Variants in STON1 observed in about 807,000 individuals in gnomAD.
STON1 encodes the protein stonin-1.
Under a neutral mutation model 60.9 loss-of-function variants are expected in STON1, and 79 were observed. The ratio of observed to expected loss-of-function variants is 1.30; its 90% CI spans 1.08 to 1.56. The LOEUF (loss-of-function observed/expected upper bound fraction) is 1.56. Ranked by LOEUF, STON1 falls within the 40% of genes most tolerant of loss-of-function variation. The pLI is 0.00. For synonymous variants in STON1, 363 were observed against 306.9 expected (o/e 1.18, Z -1.91); for missense variants, 1,166 against 858.9 (o/e 1.36, Z -4.47).
chr2:48,581,495 A>T lies in STON1; in HGVS notation c.862A>T (p.Met288Leu). Residue 288 changes from methionine (M) to leucine (L), a missense_variant, in exon 2 of 4, where the codon ATG (methionine) becomes TTG (leucine). By Grantham distance (15) the Met-to-Leu change is conservative. Coordinates refer to ENST00000404752, the MANE Select transcript of STON1 (RefSeq NM_006873.4). ...FMLRIPEKKN[M>L]MSSRQWGPIF... ...GCTGAGAATTCCTGAGAAGAAGAATATGATGTCTTCCCGGCAATGGGGACC... is the reference window on the plus strand; with the variant it reads ...GCTGAGAATTCCTGAGAAGAAGAATTTGATGTCTTCCCGGCAATGGGGACC... The T allele has an allele frequency of 6.2e-7, 1 of 1,614,252 alleles. No homozygotes were observed. Among genetic ancestry groups the T allele is most frequent in the Non-Finnish European group, 8.5e-7 (1 of 1,180,048 alleles).
chr2:48,531,391 A>T (rs1441566485), intron 1 of STON1: 1 of 152,198 alleles, frequency 6.6e-6, no homozygotes, highest in Non-Finnish European at 1.5e-5. Flanking sequence ...TACTTATTTT[A>T]ATCCTGAGGC....
chr2:48,587,500 C>T (rs2103942655), intron 2 of STON1, among the ~76,000 whole-genome samples: 1 of 152,224 alleles, frequency 6.6e-6, no homozygotes, highest in South Asian at 2.1e-4. Context: ...GCCATATTGG[C>T]CAGGCTGGTC....
intron 1 of STON1, among the ~76,000 whole-genome samples, chr2:48,578,716 T>G (rs1673694674): frequency 6.6e-6 from 1 of 150,872 alleles, no homozygotes; most frequent in South Asian, 2.1e-4. Flanking sequence ...CCACCATGCC[T>G]GGCTAATTTT....
intron 1 of STON1, among the ~76,000 whole-genome samples, chr2:48,557,064 C>T (rs1335277874): frequency 3.3e-5 from 3 of 90,194 alleles, no homozygotes; most frequent in African/African-American, 8.1e-5. Flanking sequence ...GCTGGCCGGG[C>T]GGGGGGCTGA....
chr2:48,555,527 A>G (rs1330920123), intron 1 of STON1, among the ~76,000 whole-genome samples: 14 of 53,034 alleles, frequency 2.6e-4, no homozygotes, highest in Admixed American at 7.1e-4. Context: ...CTCACGGACG[A>G]GGCGGCTGGC....
In STON1 at chr2:48,595,455, C is replaced by G. The variant is rs1674747890; in HGVS notation, c.*153C>G. 1 of 616,034 alleles carries G rather than the reference C, an allele frequency of 1.6e-6. No individual in the cohort carries two copies. The highest frequency in any genetic ancestry group is 2.8e-6 in the Non-Finnish European group (1 of 359,468). 38.2% of individuals were successfully genotyped at this position (616,034 alleles called of 1,614,324 possible). ...TGTTTAGAGAAGTTTAGACCTAAAACCGAACAATCTGTATTTTTTGCTTTT... is the reference window on the plus strand; with the variant it reads ...TGTTTAGAGAAGTTTAGACCTAAAAGCGAACAATCTGTATTTTTTGCTTTT... On this transcript the variant is annotated 3_prime_UTR_variant, in exon 4 of 4. Transcript: ENST00000404752.
At chr2:48,536,069 A>G (rs1262360676) in intron 1 of STON1, among the ~76,000 whole-genome samples, 1 of 152,170 alleles carries the variant, frequency 6.6e-6, no homozygotes, top group Non-Finnish European at 1.5e-5. Flanking sequence ...CCTGGGTGAC[A>G]GAGCGACACT....
chr2:48,533,556 G>A (rs1671300124), intron 1 of STON1, among the ~76,000 whole-genome samples: 1 of 150,882 alleles, frequency 6.6e-6, no homozygotes, highest in South Asian at 2.1e-4. Flanking sequence ...TGGGTGTGGT[G>A]GCAGGCACCT....
chr2:48,538,817 C>A (rs994965193), intron 1 of STON1, among the ~76,000 whole-genome samples: 1 of 139,444 alleles, frequency 7.2e-6, no homozygotes, highest in Non-Finnish European at 1.5e-5. Context: ...GCAGTTTTGC[C>A]ATGTTGGCCA....
intron 1 of STON1, among the ~76,000 whole-genome samples, chr2:48,533,928 C>G (rs2103729476): frequency 6.6e-6 from 1 of 151,964 alleles, no homozygotes; most frequent in Non-Finnish European, 1.5e-5. Flanking sequence ...TGCCACCATG[C>G]CTGGCTAATT....
chr2:48,591,855 G>T lies in STON1; in HGVS notation c.2133G>T (p.Gln711His). 1 of 1,613,666 alleles carries T rather than the reference G, an allele frequency of 6.2e-7. No individual in the cohort carries two copies. The highest frequency in any genetic ancestry group is 1.7e-5 in the Admixed American group (1 of 59,940). The change falls in exon 3 of 4, where the codon CAG becomes CAT. Residue 711 changes from glutamine (Q) to histidine (H), a missense_variant and splice_region_variant. Transcript: ENST00000404752. The stretch of plus-strand genomic sequence containing the variant: ...AGCAGCGAGCTTGCTACAACATCCA[G>T]GTACATCCCAAAACTTCTAGAACTG... ...HVQQRACYNI[Q>H]VEIEKKWIKI...
intron 1 of STON1, among the ~76,000 whole-genome samples, chr2:48,546,076 C>G (rs999217068): frequency 3.9e-5 from 6 of 152,180 alleles, no homozygotes; most frequent in African/African-American, 1.4e-4. Flanking sequence ...ACCCTCATGT[C>G]TTACCTGAGT....
intron 2 of STON1, among the ~76,000 whole-genome samples, chr2:48,583,111 T>C (rs1673993246): frequency 6.6e-6 from 1 of 152,222 alleles, no homozygotes; most frequent in African/African-American, 2.4e-5. Context: ...GTTTTTGACA[T>C]GGCATCTCAC....
rs1276921426 is a variant in STON1, at chr2:48,582,197, A to G, written c.1564A>G (p.Asn522Asp). 1 of 1,614,088 alleles carries G rather than the reference A, an allele frequency of 6.2e-7. No individual in the cohort carries two copies. The highest frequency in any genetic ancestry group is 8.5e-7 in the Non-Finnish European group (1 of 1,180,042). The change falls in exon 2 of 4, where the codon AAT (asparagine) becomes GAT (aspartate). Residue 522 changes from asparagine (N) to aspartate (D), a missense_variant. Coordinates refer to ENST00000404752, the MANE Select transcript of STON1 (RefSeq NM_006873.4). ...FELMRFKTLY[N>D]GDNLPFSLKS... Reference sequence around the variant, plus strand: ...GCTGATGCGTTTCAAGACTTTGTATAATGGGGATAATCTTCCCTTTTCCTT... The same window carrying G: ...GCTGATGCGTTTCAAGACTTTGTATGATGGGGATAATCTTCCCTTTTCCTT...
chr2:48,588,787 G>A (rs924589905), intron 2 of STON1, among the ~76,000 whole-genome samples: 6 of 152,106 alleles, frequency 3.9e-5, no homozygotes, highest in African/African-American at 1.4e-4. Flanking sequence ...GGAAAGGTGG[G>A]GAGGGCTGCT....
intron 1 of STON1, among the ~76,000 whole-genome samples, chr2:48,564,405 G>GTCTTCTTCCTCTTCTTCC (rs1558603784): frequency 1.2e-5 from 1 of 82,940 alleles, no homozygotes; most frequent in African/African-American, 4.6e-5. Flanking sequence ...CAGTGGCGGT[G>GTCTTCTTCCTCTTCTTCC]TCTTCTTCTT....
At position 48,598,275 on chromosome 2, in the gene STON1, T is replaced by C. The variant is rs1239640778; in HGVS notation, c.*2973T>C. ...GAATTTTACAACCTGATGTATATAT[T>C]AGACAGTTCTAGGATGTTAGTTCCC... On this transcript the variant is annotated 3_prime_UTR_variant, in exon 4 of 4. Coordinates refer to ENST00000404752, the MANE Select transcript of STON1 (RefSeq NM_006873.4). 10 of 152,474 alleles carry C rather than the reference T, an allele frequency of 6.6e-5. No individual in the cohort carries two copies. The highest frequency in any genetic ancestry group is 4.4e-5 in the Non-Finnish European group (3 of 68,030). The allele number at this position is 152,474 out of a possible 1,614,324, so 9.4% of individuals were successfully genotyped here.
intron 1 of STON1, among the ~76,000 whole-genome samples, chr2:48,568,395 G>A (rs746790388): frequency 2.0e-5 from 3 of 152,132 alleles, no homozygotes; most frequent in East Asian, 1.9e-4. Context: ...ACAGGAGAAG[G>A]TAGAACTTCA....
chr2:48,559,322 G>T (rs1218982784), intron 1 of STON1, among the ~76,000 whole-genome samples: 1 of 152,180 alleles, frequency 6.6e-6, no homozygotes, highest in Non-Finnish European at 1.5e-5. Context: ...AGTTCTGGAG[G>T]CTGGGAAGTC....
Sources: gnomAD v4.1 joint callset for allele counts (sites outside exome capture counted in the v4.1 genomes callset) on GRCh38, gnomAD v4.1.1 for gene constraint, MANE v1.5 for transcripts, NCBI Gene and HGNC (gene_info 2026-07-23, HGNC 2026-07-21) for gene names.